OR2C1: variants seen among roughly 807,000 people sequenced by gnomAD.
OR2C1 encodes the protein olfactory receptor 2C1.
For synonymous variants in OR2C1, 209 were observed against 167.3 expected, an observed-to-expected ratio of 1.25 and a Z score of -1.92; for missense variants, 468 against 388.3, an observed-to-expected ratio of 1.21 and a Z score of -1.73.
At chr16:3,350,612 T>C in the OR2C1 span, among the ~76,000 whole-genome samples, 3 of 150,830 alleles carry the variant, frequency 2.0e-5, no homozygotes, top group Non-Finnish European at 4.4e-5. Context: ...GGGGTTTCAC[T>C]GTGTTAGCCA....
At chr16:3,330,972 A>G in the OR2C1 span, among the ~76,000 whole-genome samples, 1 of 152,134 alleles carries the variant, frequency 6.6e-6, no homozygotes, top group South Asian at 2.1e-4. Context: ...ACTGACTTCC[A>G]CAATGGTTGA....
chr16:3,333,754 CA>C, the OR2C1 span, among the ~76,000 whole-genome samples: 2 of 152,162 alleles, frequency 1.3e-5, no homozygotes, highest in African/African-American at 4.8e-5. Flanking sequence ...AGATCTTACA[CA>C]AAAATATCTT....
At chr16:3,339,017 C>T in the OR2C1 span, among the ~76,000 whole-genome samples, 1 of 152,072 alleles carries the variant, frequency 6.6e-6, no homozygotes, top group African/African-American at 2.4e-5. Flanking sequence ...TCCCTGTTTT[C>T]CCCTCCCCAC....
the OR2C1 span, among the ~76,000 whole-genome samples, chr16:3,337,016 G>A: frequency 4.0e-5 from 6 of 149,392 alleles, no homozygotes; most frequent in African/African-American, 1.5e-4. Flanking sequence ...CCCATGCCTG[G>A]CTAATTTTTT....
chr16:3,325,486 T>C, the OR2C1 span, among the ~76,000 whole-genome samples: 3 of 115,776 alleles, frequency 2.6e-5, no homozygotes, highest in Non-Finnish European at 3.6e-5. Flanking sequence ...TATATATATA[T>C]ATATATATAT....
chr16:3,328,291 C>T, the OR2C1 span, among the ~76,000 whole-genome samples: 1 of 152,170 alleles, frequency 6.6e-6, no homozygotes, highest in Non-Finnish European at 1.5e-5. Context: ...TTCTTTGCAA[C>T]CAGAATTCCT....
chr16:3,354,150 AT>A (rs764824849), upstream of OR2C1, among the ~76,000 whole-genome samples: 29 of 151,534 alleles, frequency 1.9e-4, no homozygotes, highest in Non-Finnish European at 3.5e-4. Flanking sequence ...TGCCCGACAA[AT>A]TTTTTGTATT....
At chr16:3,338,004 G>T in the OR2C1 span, among the ~76,000 whole-genome samples, 1 of 152,122 alleles carries the variant, frequency 6.6e-6, no homozygotes, top group Non-Finnish European at 1.5e-5. Flanking sequence ...GGCAGTAGAC[G>T]GTGCCTTAAG....
At chr16:3,326,044 C>A in the OR2C1 span, among the ~76,000 whole-genome samples, 2 of 151,580 alleles carry the variant, frequency 1.3e-5, no homozygotes, top group Non-Finnish European at 2.9e-5. Context: ...AATTCTCCTG[C>A]CTCAGTCTCC....
Position 3,357,034 on chromosome 16 carries a change from T to G in OR2C1, c.*155T>G. The G allele has an allele frequency of 3.0e-6, 2 of 661,554 alleles. No homozygotes were observed. The highest frequency in any genetic ancestry group is 6.0e-5 in the Admixed American group (2 of 33,214). 41.0% of individuals were successfully genotyped at this position (661,554 alleles called of 1,614,324 possible). On this transcript the variant is annotated 3_prime_UTR_variant, in exon 1 of 1. Coordinates refer to ENST00000304936, the MANE Select transcript of OR2C1 (RefSeq NM_012368.3). ...TGACAGCCCTAAGCTGTTGGGAACA[T>G]GGTTAGTGTTATTCGTAATGTTCTA...
chr16:3,328,477 T>C, the OR2C1 span, among the ~76,000 whole-genome samples: 1 of 152,228 alleles, frequency 6.6e-6, no homozygotes, highest in Non-Finnish European at 1.5e-5. Flanking sequence ...TCATTCAACA[T>C]TGGGAAGATA....
chr16:3,354,730 C>T (rs889637005), upstream of OR2C1, among the ~76,000 whole-genome samples: 25 of 152,030 alleles, frequency 1.6e-4, no homozygotes, highest in African/African-American at 6.0e-4. Context: ...TGTCTGCTTC[C>T]CCCCTTCCCT....
chr16:3,347,260 A>AAG, the OR2C1 span, among the ~76,000 whole-genome samples: 1 of 149,290 alleles, frequency 6.7e-6, no homozygotes. Context: ...AAAAAAAAAA[A>AAG]AAAAAAAGGA....
the OR2C1 span, chr16:3,322,954 A>G: frequency 1.0e-6 from 1 of 985,054 alleles, no homozygotes; most frequent in East Asian, 1.1e-4. Flanking sequence ...TCCGCCGACA[A>G]GGAGGCAGCC....
chr16:3,356,467 G>A lies in OR2C1; in HGVS notation c.527G>A (p.Gly176Glu). Residue 176 changes from glycine to glutamate, a missense_variant, in exon 1 of 1, where the codon GGA becomes GAA. Physicochemically the swap from Gly to Glu is moderately conservative, Grantham distance 98. Transcript: ENST00000304936. ...LPLCGHRRVE[G>E]FLCEVPAMIK... ...TTGTGTGGGCACCGGAGGGTGGAGG[G>A]ATTCCTCTGCGAGGTGCCTGCCATG... 6.2e-7 allele frequency: 1 copy of A among 1,613,998 alleles called. No homozygotes were observed. The highest frequency in any genetic ancestry group is 8.5e-7 in the Non-Finnish European group (1 of 1,180,050).
At chr16:3,346,584 CTT>C in the OR2C1 span, among the ~76,000 whole-genome samples, 1 of 145,928 alleles carries the variant, frequency 6.9e-6, no homozygotes, top group Non-Finnish European at 1.5e-5. Context: ...AACTTAAACT[CTT>C]TGTCACTTAA....
chr16:3,325,475 A>C, the OR2C1 span, among the ~76,000 whole-genome samples: 97 of 31,256 alleles, frequency 3.1e-3, no homozygotes, highest in African/African-American at 0.011. Flanking sequence ...ATATATATAT[A>C]TATATATATA....
chr16:3,355,273 C>T (rs1251773841), upstream of OR2C1, among the ~76,000 whole-genome samples: 4 of 150,988 alleles, frequency 2.6e-5, no homozygotes, highest in South Asian at 2.1e-4. Flanking sequence ...CCAGCCTGGC[C>T]AACATGGTGA....
chr16:3,331,724 G>C, the OR2C1 span, among the ~76,000 whole-genome samples: 7 of 151,938 alleles, frequency 4.6e-5, no homozygotes, highest in South Asian at 1.0e-3. Flanking sequence ...TCCCATTACT[G>C]GGTATATTCC....
Sources: gnomAD v4.1 joint callset for allele counts (sites outside exome capture counted in the v4.1 genomes callset) on GRCh38, gnomAD v4.1.1 for gene constraint, MANE v1.5 for transcripts, NCBI Gene and HGNC (gene_info 2026-07-23, HGNC 2026-07-21) for gene names.